KCTD8: variants seen among roughly 807,000 people sequenced by gnomAD.
KCTD8 encodes the protein potassium channel tetramerization domain containing 8, also known as BTB/POZ domain-containing protein KCTD8.
Under a neutral mutation model 31.5 loss-of-function variants are expected in KCTD8, and 27 were observed. That is an observed-to-expected ratio of 0.86 (90% CI 0.63 to 1.18). KCTD8 has a LOEUF of 1.18. Among genes scored for constraint, KCTD8 ranks in the 50% most tolerant of loss-of-function variants. The probability of loss-of-function intolerance (pLI) is 0.00; values close to 1 mark genes in which losing one functional copy is unlikely to be tolerated. For synonymous variants in KCTD8, 290 were observed against 280.0 expected, an observed-to-expected ratio of 1.04 and a Z score of -0.36; for missense variants, 658 against 647.7, an observed-to-expected ratio of 1.02 and a Z score of -0.17.
chr4:44,431,121 C>T (rs1469309802), intron 1 of KCTD8, among the ~76,000 whole-genome samples: 1 of 151,672 alleles, frequency 6.6e-6, no homozygotes, highest in Non-Finnish European at 1.5e-5. Flanking sequence ...TAAGCAACCA[C>T]TGACAAAGTT....
chr4:44,418,541 GTAGT>G (rs756831244), intron 1 of KCTD8, among the ~76,000 whole-genome samples: 8 of 152,146 alleles, frequency 5.3e-5, no homozygotes, highest in Non-Finnish European at 1.2e-4. Flanking sequence ...AAACTATCAA[GTAGT>G]TATTTTTAGA....
At chr4:44,343,563 A>G (rs567797727) in intron 1 of KCTD8, among the ~76,000 whole-genome samples, 6 of 152,314 alleles carry the variant, frequency 3.9e-5, no homozygotes, top group African/African-American at 1.4e-4. Flanking sequence ...TGCTCAACAC[A>G]GGGTTACCAA....
chr4:44,333,297 C>A (rs1718637236), intron 1 of KCTD8, among the ~76,000 whole-genome samples: 1 of 152,060 alleles, frequency 6.6e-6, no homozygotes, highest in Non-Finnish European at 1.5e-5. Flanking sequence ...CACACAATAG[C>A]AGGCTGTATA....
chr4:44,438,590 C>T (rs1434828423), intron 1 of KCTD8, among the ~76,000 whole-genome samples: 1 of 152,104 alleles, frequency 6.6e-6, no homozygotes, highest in African/African-American at 2.4e-5. Flanking sequence ...CCAGAATAGA[C>T]TTATTTTAAA....
chr4:44,364,938 A>G (rs1279827427), intron 1 of KCTD8, among the ~76,000 whole-genome samples: 2 of 152,024 alleles, frequency 1.3e-5, no homozygotes, highest in Non-Finnish European at 2.9e-5. Flanking sequence ...TAACAAGAGG[A>G]GCACAGGATA....
intron 1 of KCTD8, among the ~76,000 whole-genome samples, chr4:44,222,020 C>T (rs542218265): frequency 6.6e-6 from 1 of 152,268 alleles, no homozygotes; most frequent in East Asian, 1.9e-4. Context: ...ATAACCATGT[C>T]TGTGATAGGC....
intron 1 of KCTD8, among the ~76,000 whole-genome samples, chr4:44,196,628 G>A (rs1052390691): frequency 1.3e-5 from 2 of 152,170 alleles, no homozygotes; most frequent in African/African-American, 4.8e-5. Flanking sequence ...ACAGAGAAGA[G>A]TAAAACTGGG....
At chr4:44,337,078 A>G (rs1489797102) in intron 1 of KCTD8, among the ~76,000 whole-genome samples, 2 of 152,184 alleles carry the variant, frequency 1.3e-5, no homozygotes, top group East Asian at 1.9e-4. Context: ...AGATAGAAAC[A>G]CAAGTAATAA....
At chr4:44,290,761 A>T (rs1329458166) in intron 1 of KCTD8, among the ~76,000 whole-genome samples, 1 of 152,086 alleles carries the variant, frequency 6.6e-6, no homozygotes, top group Non-Finnish European at 1.5e-5. Flanking sequence ...CTATGAAATT[A>T]AAAAAATTAG....
intron 1 of KCTD8, among the ~76,000 whole-genome samples, chr4:44,203,487 C>A (rs1714210626): frequency 7.3e-6 from 1 of 136,648 alleles, no homozygotes; most frequent in African/African-American, 2.7e-5. Flanking sequence ...AAGAGCGAGA[C>A]TCCATCTCAA....
chr4:44,442,940 C>T (rs2109485538), intron 1 of KCTD8, among the ~76,000 whole-genome samples: 1 of 152,154 alleles, frequency 6.6e-6, no homozygotes, highest in African/African-American at 2.4e-5. Context: ...AAAGCCAAAG[C>T]CATAGCAATA....
chr4:44,317,828 T>C (rs1201733560), intron 1 of KCTD8, among the ~76,000 whole-genome samples: 3 of 152,244 alleles, frequency 2.0e-5, no homozygotes, highest in African/African-American at 7.2e-5. Flanking sequence ...CTCACTCTAA[T>C]ACTCACTAGT....
intron 1 of KCTD8, among the ~76,000 whole-genome samples, chr4:44,437,058 GT>G (rs11392516): frequency 7.0e-4 from 102 of 146,528 alleles, no homozygotes; most frequent in Middle Eastern, 3.6e-3. Flanking sequence ...GATTTTGAAA[GT>G]TTTTTTTTTT....
At chr4:44,436,387 T>C (rs564526676) in intron 1 of KCTD8, among the ~76,000 whole-genome samples, 2 of 151,906 alleles carry the variant, frequency 1.3e-5, no homozygotes, top group Admixed American at 6.6e-5. Flanking sequence ...GAAACAGAGA[T>C]GGATGGAGTG....
chr4:44,381,291 T>C (rs1195551210), intron 1 of KCTD8, among the ~76,000 whole-genome samples: 1 of 152,078 alleles, frequency 6.6e-6, no homozygotes, highest in Non-Finnish European at 1.5e-5. Flanking sequence ...CTAGAATTAA[T>C]AGATGAACTC....
At chr4:44,200,567 T>A (rs1004231748) in intron 1 of KCTD8, among the ~76,000 whole-genome samples, 7 of 152,140 alleles carry the variant, frequency 4.6e-5, no homozygotes, top group South Asian at 2.1e-4. Context: ...AGTATGATCA[T>A]CCCAATAGAT....
At chr4:44,204,399 A>G (rs572824958) in intron 1 of KCTD8, among the ~76,000 whole-genome samples, 2 of 152,294 alleles carry the variant, frequency 1.3e-5, no homozygotes, top group Admixed American at 1.3e-4. Context: ...CTAATCGGTT[A>G]TGTTATCTAT....
At chr4:44,232,079 C>T (rs578105876) in intron 1 of KCTD8, among the ~76,000 whole-genome samples, 29 of 152,156 alleles carry the variant, frequency 1.9e-4, no homozygotes, top group East Asian at 7.7e-4. Flanking sequence ...GCAAATTTCT[C>T]GGTCTTCACC....
chr4:44,419,918 G>A (rs113328678), intron 1 of KCTD8, among the ~76,000 whole-genome samples: 15 of 151,906 alleles, frequency 9.9e-5, no homozygotes, highest in Admixed American at 2.6e-4. Flanking sequence ...TTTCTGAACC[G>A]GACTCCATAT....
Sources: allele counts gnomAD v4.1 joint callset (sites outside exome capture counted in the v4.1 genomes callset), GRCh38; gene constraint gnomAD v4.1.1; transcripts MANE v1.5; gene names NCBI Gene and HGNC (gene_info 2026-07-23, HGNC 2026-07-21).